The following SLC6A2 variants were observed in gnomAD, a reference collection of about 807,000 sequenced individuals.
SLC6A2 encodes sodium-dependent noradrenaline transporter.
SLC6A2 carries 26 observed loss-of-function variants against 71.7 expected under a neutral mutation model. The observed-to-expected ratio is 0.36, with a 90% CI of 0.27 to 0.50. SLC6A2 has a LOEUF of 0.50. Ranked by LOEUF, SLC6A2 falls within the 20% of genes least tolerant of loss-of-function variation. The pLI is 0.96. For synonymous variants in SLC6A2, 363 were observed against 337.9 expected, an observed-to-expected ratio of 1.07 and a Z score of -0.82; for missense variants, 581 against 803.9, an observed-to-expected ratio of 0.72 and a Z score of 3.35.
Position 55,656,746 on chromosome 16 carries a change from G to C in SLC6A2, c.52G>C (p.Asp18His), listed in dbSNP as rs886052131. Residue 18 changes from aspartate to histidine, a missense_variant, in exon 2 of 15, where the codon GAC becomes CAC. This residue lies in a region of SLC6A2 where 76 missense variants were observed against 79.9 expected (regional missense o/e 0.95). Coordinates refer to ENST00000568943, the MANE Select transcript of SLC6A2 (RefSeq NM_001172501.3). The surrounding 1 kb of genome is among the most constrained non-coding windows in gnomAD (Gnocchi z 4.5). ...PQVQPENNGA[D>H]TGPEQPLRAR... ...GGTGCAGCCCGAGAACAACGGGGCGGACACGGGTCCAGAGCAGCCCCTTCG... is the reference window on the plus strand; with the variant it reads ...GGTGCAGCCCGAGAACAACGGGGCGCACACGGGTCCAGAGCAGCCCCTTCG... The C allele has an allele frequency of 6.2e-7, 1 of 1,612,978 alleles. No homozygotes were observed.
At position 55,674,751 on chromosome 16, in the gene SLC6A2, A is replaced by G. The variant is rs528857585; in HGVS notation, c.644+2576A>G. Among the ~76,000 whole-genome samples, 12 of 152,228 alleles carry G rather than the reference A, an allele frequency of 7.9e-5. No individual in the cohort carries two copies. The South Asian group carries it at 2.5e-3, about 32-fold the overall frequency. On this transcript the variant is annotated intron_variant, in intron 4 of 14. Coordinates refer to ENST00000568943, the MANE Select transcript of SLC6A2 (RefSeq NM_001172501.3). ...CCACATTTTCTTTATCCAATCCATC[A>G]TTGATGGGCACCTAGGTTGATGACA... is the stretch of plus-strand genomic sequence containing the variant.
At chr16:55,696,147 C>T (rs1965790438) in intron 8 of SLC6A2, 78 bp from the exon 9 acceptor site, 1 of 873,782 alleles carries the variant, frequency 1.1e-6, no homozygotes, top group Middle Eastern at 2.2e-4. Context: ...AACAATTGGG[C>T]CCCCAGATAC....
At chr16:55,673,808 C>G (rs1964998060) in intron 4 of SLC6A2, among the ~76,000 whole-genome samples, 1 of 152,140 alleles carries the variant, frequency 6.6e-6, no homozygotes, top group South Asian at 2.1e-4. Flanking sequence ...GTGATCCACC[C>G]ATTTTGGCCT....
At position 55,700,149 on chromosome 16, in the gene SLC6A2, T is replaced by C; in HGVS notation, c.1601T>C (p.Val534Ala). Residue 534 changes from valine to alanine, a missense_variant, in exon 13 of 15, where the codon GTG becomes GCG. Around this residue, in one of 5 missense-constraint regions of SLC6A2, gnomAD observed 334 missense variants for 449.0 expected, o/e 0.74. Coordinates refer to ENST00000568943, the MANE Select transcript of SLC6A2 (RefSeq NM_001172501.3). ...VSPAFLLFVV[V>A]VSIINFKPLT... ...TCTGCCCATCTCTAGTTCGTGGTTG[T>C]GGTCAGCATCATCAACTTCAAGCCA... 1 of 1,614,018 alleles carries C rather than the reference T, an allele frequency of 6.2e-7. No homozygotes were observed. Among genetic ancestry groups the C allele is most frequent in the Non-Finnish European group, 8.5e-7 (1 of 1,179,952 alleles).
intron 13 of SLC6A2, 135 bp from the exon 14 acceptor site, chr16:55,701,728 G>T (rs1279387014): frequency 1.3e-6 from 1 of 747,980 alleles, no homozygotes; most frequent in East Asian, 2.5e-5. Context: ...GAGGTGTCTT[G>T]TACAGACCCC....
rs12932949 is a variant in SLC6A2, at chr16:55,660,998, G to A, written c.274+4030G>A. On this transcript the variant is annotated intron_variant, in intron 2 of 14. Coordinates refer to ENST00000568943, the MANE Select transcript of SLC6A2 (RefSeq NM_001172501.3). ...CCCATGGCCAGCTGCTGGGATGCAC[G>A]GGCTGCAGGAGGCTCTGGGAGGGGA... Among the ~76,000 whole-genome samples, 10 of 152,258 alleles carry A rather than the reference G, an allele frequency of 6.6e-5. No individual in the cohort carries two copies. In the South Asian group the frequency reaches 1.0e-3, roughly 16 times the overall value.
intron 2 of SLC6A2, among the ~76,000 whole-genome samples, chr16:55,657,654 G>A (rs985701558): frequency 1.3e-5 from 2 of 152,146 alleles, no homozygotes; most frequent in Non-Finnish European, 2.9e-5. Flanking sequence ...AGATGATTGG[G>A]GTGAAACCTC....
intron 5 of SLC6A2, among the ~76,000 whole-genome samples, chr16:55,687,513 C>T (rs1308074578): frequency 6.6e-6 from 1 of 152,172 alleles, no homozygotes; most frequent in East Asian, 1.9e-4. Flanking sequence ...GAAGGAACTA[C>T]ATGAGCAAAA....
chr16:55,682,518 A>G (rs1437086771), intron 4 of SLC6A2, among the ~76,000 whole-genome samples: 1 of 152,088 alleles, frequency 6.6e-6, no homozygotes, highest in Admixed American at 6.6e-5. Flanking sequence ...TCTGTTTCTA[A>G]TCCTATGATC....
chr16:55,692,574 T>C (rs1475763962), intron 6 of SLC6A2, among the ~76,000 whole-genome samples: 1 of 152,094 alleles, frequency 6.6e-6, no homozygotes, highest in Non-Finnish European at 1.5e-5. Context: ...GTGGGTGAAT[T>C]TGGTAGTGGA....
intron 2 of SLC6A2, among the ~76,000 whole-genome samples, chr16:55,667,487 A>G (rs1964786346): frequency 6.6e-6 from 1 of 152,244 alleles, no homozygotes; most frequent in Non-Finnish European, 1.5e-5. Context: ...GGTACTTGTT[A>G]CTTTCAGCAA....
intron 5 of SLC6A2, among the ~76,000 whole-genome samples, chr16:55,689,191 C>T (rs1427619246): frequency 6.6e-6 from 1 of 152,200 alleles, no homozygotes; most frequent in African/African-American, 2.4e-5. Context: ...GCATTCAGGG[C>T]ACATTTGAGC....
At chr16:55,665,658 C>T (rs1450510349) in intron 2 of SLC6A2, among the ~76,000 whole-genome samples, 2 of 152,068 alleles carry the variant, frequency 1.3e-5, no homozygotes, top group African/African-American at 4.8e-5. Flanking sequence ...TTGGCCACTG[C>T]ACCCCTCACT....
intron 3 of SLC6A2, 89 bp from the exon 4 acceptor site, chr16:55,671,849 G>T: frequency 6.3e-7 from 1 of 1,592,376 alleles, no homozygotes; most frequent in Non-Finnish European, 8.6e-7. Context: ...CAGAGGGAAT[G>T]GGAGTGCAGT....
intron 8 of SLC6A2, 81 bp from the exon 9 acceptor site, chr16:55,696,144 G>C: frequency 1.2e-6 from 1 of 857,040 alleles, no homozygotes; most frequent in Admixed American, 1.7e-5. Context: ...CCGAACAATT[G>C]GGCCCCCAGA....
chr16:55,687,227 A>G (rs1386435535), intron 5 of SLC6A2, among the ~76,000 whole-genome samples: 2 of 282 alleles, frequency 7.1e-3, no homozygotes, highest in Non-Finnish European at 0.071. Flanking sequence ...AAAAGTCTAG[A>G]TAATAAGAGA....
chr16:55,694,812 G>A (rs1335329600), intron 7 of SLC6A2, among the ~76,000 whole-genome samples: 6 of 152,210 alleles, frequency 3.9e-5, no homozygotes, highest in African/African-American at 1.2e-4. Flanking sequence ...CTAGGCAGAC[G>A]TGGAGTGGAC....
chr16:55,699,697 C>T (rs1965910707), intron 12 of SLC6A2, 43 bp downstream of exon 12: 1 of 1,395,684 alleles, frequency 7.2e-7, no homozygotes, highest in Non-Finnish European at 1.0e-6. Context: ...GGGGAGGGGG[C>T]TGTGTCCAGG....
chr16:55,658,148 G>A, intron 2 of SLC6A2, among the ~76,000 whole-genome samples: 1 of 152,116 alleles, frequency 6.6e-6, no homozygotes, highest in East Asian at 1.9e-4. Flanking sequence ...ACAGGCTCTA[G>A]GACTTACAAC....
Sources: gnomAD v4.1 joint callset for allele counts (sites outside exome capture counted in the v4.1 genomes callset) on GRCh38, gnomAD v4.1.1 for gene constraint, gnomAD v4.1.1 regional missense constraint, Gnocchi (gnomAD v3.1) non-coding constraint, MANE v1.5 for transcripts, NCBI Gene and HGNC (gene_info 2026-07-23, HGNC 2026-07-21) for gene names.